LPAR1: variants seen among roughly 807,000 people sequenced by gnomAD.
LPAR1 encodes the protein lysophosphatidic acid receptor 1, also known as LPA receptor 1.
LPAR1 carries 5 observed loss-of-function variants against 23.8 expected under a neutral mutation model. The observed-to-expected ratio is 0.21, with a 90% CI of 0.11 to 0.44. The LOEUF is 0.44. LPAR1 is among the 20% of genes least tolerant of loss of function. The probability of loss-of-function intolerance (pLI) is 0.99; values close to 1 mark genes in which losing one functional copy is unlikely to be tolerated. For synonymous variants in LPAR1, 160 were observed against 164.7 expected (o/e 0.97, Z 0.22); for missense variants, 311 against 482.8 (o/e 0.64, Z 3.33).
chr9:111,035,053 G>T, intron 2 of LPAR1, among the ~76,000 whole-genome samples: 1 of 152,104 alleles, frequency 6.6e-6, no homozygotes, highest in East Asian at 1.9e-4. Flanking sequence ...ATACATATTC[G>T]GTATGAACCG....
At chr9:110,909,380 T>C (rs2092015673) in intron 5 of LPAR1, among the ~76,000 whole-genome samples, 1 of 152,058 alleles carries the variant, frequency 6.6e-6, no homozygotes. Context: ...CACATTTCAT[T>C]GATTGACATC....
intron 5 of LPAR1, among the ~76,000 whole-genome samples, chr9:110,918,075 G>GT (rs1414937454): frequency 6.6e-6 from 1 of 151,794 alleles, no homozygotes; most frequent in Non-Finnish European, 1.5e-5. Context: ...ACTAACTTTT[G>GT]TTTTTTGTTT....
chr9:111,028,129 A>C (rs1179770121), intron 2 of LPAR1, among the ~76,000 whole-genome samples: 2 of 151,058 alleles, frequency 1.3e-5, no homozygotes, highest in East Asian at 3.9e-4. Flanking sequence ...AAATGGAATA[A>C]GAATTTTTTT....
intron 5 of LPAR1, among the ~76,000 whole-genome samples, chr9:110,937,757 T>C (rs1281046235): frequency 2.0e-5 from 3 of 152,360 alleles, no homozygotes; most frequent in African/African-American, 4.8e-5. Context: ...AACAAGTCAG[T>C]TGCTGACCAA....
chr9:110,922,382 A>G (rs2093689980), intron 5 of LPAR1, among the ~76,000 whole-genome samples: 4 of 152,208 alleles, frequency 2.6e-5, no homozygotes, highest in African/African-American at 9.7e-5. Flanking sequence ...TGCTATAATA[A>G]AAATGAAGTG....
intron 2 of LPAR1, among the ~76,000 whole-genome samples, chr9:111,007,173 C>A (rs1020034063): frequency 1.3e-5 from 2 of 152,104 alleles, no homozygotes; most frequent in African/African-American, 4.8e-5. Flanking sequence ...AGAAGCCGAG[C>A]AGATGCCAGC....
chr9:111,017,573 C>G (rs2097479429), intron 2 of LPAR1, among the ~76,000 whole-genome samples: 1 of 152,200 alleles, frequency 6.6e-6, no homozygotes, highest in Non-Finnish European at 1.5e-5. Context: ...AAAATACACA[C>G]TAAACCAGCA....
intron 5 of LPAR1, among the ~76,000 whole-genome samples, chr9:110,940,997 A>G (rs764563349): frequency 2.6e-5 from 4 of 152,238 alleles, no homozygotes; most frequent in Non-Finnish European, 5.9e-5. Context: ...TACAGAATAG[A>G]CTAACAAAAA....
chr9:110,997,678 T>A (rs149024467), intron 2 of LPAR1, among the ~76,000 whole-genome samples: 1 of 152,214 alleles, frequency 6.6e-6, no homozygotes, highest in African/African-American at 2.4e-5. Context: ...CTGAAGCGTA[T>A]GTCTGATTAC....
intron 4 of LPAR1, among the ~76,000 whole-genome samples, chr9:110,970,316 A>C (rs925286154): frequency 5.3e-5 from 8 of 152,262 alleles, no homozygotes; most frequent in African/African-American, 1.9e-4. Flanking sequence ...TGGACTTTGA[A>C]ATGGTGACCT....
rs576739121 is a variant in LPAR1 at position 110,937,377 on chromosome 9, G to C, written c.793+4044C>G. Reference sequence around the variant, plus strand: ...AATAACATGGAGGGGACAAACACATGGGTTCTGAAACCCAAGTGCCCAACC... The same window carrying C: ...AATAACATGGAGGGGACAAACACATCGGTTCTGAAACCCAAGTGCCCAACC... On this transcript the variant is annotated intron_variant, in intron 5 of 5. Transcript: ENST00000683809. Among the ~76,000 whole-genome samples the C allele has an allele frequency of 2.6e-5, 4 of 152,242 alleles. No individual in the cohort carries two copies. The South Asian group carries it at 8.3e-4, about 32-fold the overall frequency.
intron 2 of LPAR1, among the ~76,000 whole-genome samples, chr9:111,024,561 C>CAT (rs1176363324): frequency 0.04 from 1,462 of 36,506 alleles, 27 homozygotes; most frequent in African/African-American, 0.1. Flanking sequence ...TATACACACA[C>CAT]ATATATATAC....
intron 2 of LPAR1, among the ~76,000 whole-genome samples, chr9:111,032,856 C>T (rs939502608): frequency 1.3e-5 from 2 of 152,272 alleles, no homozygotes; most frequent in African/African-American, 4.8e-5. Flanking sequence ...ACAAAATTTC[C>T]TTCAACCAAC....
chr9:110,949,617 G>C (rs2095505222), intron 4 of LPAR1, among the ~76,000 whole-genome samples: 1 of 152,096 alleles, frequency 6.6e-6, no homozygotes, highest in Non-Finnish European at 1.5e-5. Context: ...TATTTTCCCA[G>C]TTTATTTGGT....
At chr9:110,877,085 A>C (rs1334265936) in intron 5 of LPAR1, among the ~76,000 whole-genome samples, 1 of 152,208 alleles carries the variant, frequency 6.6e-6, no homozygotes, top group Non-Finnish European at 1.5e-5. Flanking sequence ...TCAGATTTAA[A>C]TGGCGCTGGC....
At chr9:110,877,842 C>A (rs1301794294) in intron 5 of LPAR1, among the ~76,000 whole-genome samples, 1 of 152,172 alleles carries the variant, frequency 6.6e-6, no homozygotes, top group Admixed American at 6.5e-5. Flanking sequence ...AAGGGAATAT[C>A]TTTATTCTCT....
chr9:110,980,753 T>A (rs1031103978), intron 2 of LPAR1, among the ~76,000 whole-genome samples: 1 of 152,002 alleles, frequency 6.6e-6, no homozygotes, highest in African/African-American at 2.4e-5. Context: ...TTTATTGTAT[T>A]TTTTCAAATA....
intron 4 of LPAR1, 62 bp from the exon 5 acceptor site, chr9:110,942,230 A>G: frequency 6.9e-7 from 1 of 1,440,978 alleles, no homozygotes; most frequent in African/African-American, 1.4e-5. Context: ...TAAAGCTTAT[A>G]TAGATAACAC....
At chr9:110,925,906 C>T (rs574271150) in intron 5 of LPAR1, among the ~76,000 whole-genome samples, 2 of 152,156 alleles carry the variant, frequency 1.3e-5, no homozygotes, top group South Asian at 4.1e-4. Context: ...AACATGTCAT[C>T]AGAACTGGTT....
Sources: gnomAD v4.1 joint callset for allele counts (sites outside exome capture counted in the v4.1 genomes callset) on GRCh38, gnomAD v4.1.1 for gene constraint, MANE v1.5 for transcripts, NCBI Gene and HGNC (gene_info 2026-07-23, HGNC 2026-07-21) for gene names.